Variants in DPP8 observed in about 807,000 individuals in gnomAD.
DPP8 encodes the protein dipeptidyl peptidase 8.
A neutral mutation model predicts 107.5 loss-of-function variants in DPP8; 31 were observed. That is an observed-to-expected ratio of 0.29 (90% confidence interval 0.22 to 0.39). The LOEUF (loss-of-function observed/expected upper bound fraction) is 0.39, where lower values mean the gene tolerates loss of function less well. Among genes scored for constraint, DPP8 ranks in the 10% least tolerant of loss-of-function variants. The pLI, the probability that DPP8 is intolerant of heterozygous loss-of-function variation, is 1.00. For missense variants in DPP8, 842 were observed against 1,076.1 expected, an observed-to-expected ratio of 0.78 and a Z score of 3.04; for synonymous variants, 381 against 356.6, an observed-to-expected ratio of 1.07 and a Z score of -0.77.
intron 1 of DPP8, chr15:65,516,511 G>A (rs2071457505): frequency 6.6e-6 from 1 of 152,074 alleles, no homozygotes; most frequent in African/African-American, 2.4e-5. Flanking sequence ...AGCCCAAGTA[G>A]GTGATGAAGG....
At chr15:65,500,273 C>G (rs764597204) in intron 4 of DPP8, among the ~76,000 whole-genome samples, 13 of 151,978 alleles carry the variant, frequency 8.6e-5, no homozygotes, top group Non-Finnish European at 1.6e-4. Context: ...ACAAAATTAG[C>G]CAGGGGTGGT....
At chr15:65,509,072 C>CT (rs918780271) in intron 2 of DPP8, among the ~76,000 whole-genome samples, 1 of 152,090 alleles carries the variant, frequency 6.6e-6, no homozygotes, top group Non-Finnish European at 1.5e-5. Flanking sequence ...ATAACCATAT[C>CT]TTTTTTTATC....
chr15:65,461,481 T>A (rs1405479802), intron 15 of DPP8, among the ~76,000 whole-genome samples: 1 of 152,214 alleles, frequency 6.6e-6, no homozygotes, highest in Non-Finnish European at 1.5e-5. Context: ...CAATCCTATA[T>A]ACTGTATCAT....
At chr15:65,484,219 G>A (rs558593344) in intron 8 of DPP8, among the ~76,000 whole-genome samples, 6 of 151,770 alleles carry the variant, frequency 4.0e-5, no homozygotes, top group South Asian at 2.1e-4. Flanking sequence ...CCAACTACTC[G>A]GGAGGCTGAG....
In DPP8 at chr15:65,443,244, T is replaced by C. The variant is rs1249712868; in HGVS notation, c.*3640A>G. ...TTTAACTACCATGAGGCAGGACACC[T>C]GGCTGGAGTCCAGCACCAACTGGAT... On this transcript the variant is annotated 3_prime_UTR_variant, in exon 20 of 20. Coordinates refer to ENST00000300141, the MANE Select transcript of DPP8 (RefSeq NM_130434.5). 6.6e-6 allele frequency: 1 copy of C among 152,210 alleles called. No individual in the cohort carries two copies. The highest frequency in any genetic ancestry group is 1.5e-5 in the Non-Finnish European group (1 of 68,040). 9.4% of individuals were successfully genotyped at this position (152,210 alleles called of 1,614,324 possible). A position where few individuals can be genotyped will look rare whatever the true frequency, so the allele number is the denominator to read the frequency against.
chr15:65,450,946 T>C, intron 19 of DPP8, 53 bp downstream of exon 19: 3 of 1,118,702 alleles, frequency 2.7e-6, no homozygotes, highest in Non-Finnish European at 1.3e-6. Context: ...GATTTCAAAG[T>C]AATCAATCAC....
intron 14 of DPP8, among the ~76,000 whole-genome samples, chr15:65,466,215 T>C (rs916982775): frequency 1.1e-4 from 17 of 152,288 alleles, no homozygotes; most frequent in Admixed American, 3.9e-4. Context: ...CTTAGTTCAT[T>C]GCAACCTCCG....
Position 65,442,510 on chromosome 15 carries a change from A to C in DPP8, c.*4374T>G, listed in dbSNP as rs2063333328. 6.6e-6 allele frequency: 1 copy of C among 152,248 alleles called. No homozygotes were observed. The highest frequency in any genetic ancestry group is 1.5e-5 in the Non-Finnish European group (1 of 68,054). The allele number at this position is 152,248 out of a possible 1,614,324, so 9.4% of individuals were successfully genotyped here. Reference sequence around the variant, plus strand: ...TTATTGCAACAAAGAACCTGTAATAAAATGCAAGAAAACTAATGTTTCACT... The same window carrying C: ...TTATTGCAACAAAGAACCTGTAATACAATGCAAGAAAACTAATGTTTCACT... On this transcript the variant is annotated 3_prime_UTR_variant, in exon 20 of 20. Transcript: ENST00000300141.
chr15:65,494,257 T>C (rs1203273614), intron 5 of DPP8, among the ~76,000 whole-genome samples: 2 of 148,944 alleles, frequency 1.3e-5, no homozygotes, highest in Non-Finnish European at 1.5e-5. Context: ...GTGGTGCAAA[T>C]ACAGTCACTC....
At chr15:65,508,518 C>T (rs3784448) in intron 2 of DPP8, among the ~76,000 whole-genome samples, 33,988 of 151,896 alleles carry the variant, frequency 0.22, 4,744 homozygotes, top group East Asian at 0.72. Flanking sequence ...AAGATATGAA[C>T]CAAAGAAAAC....
At chr15:65,498,470 T>C (rs965528012) in intron 4 of DPP8, among the ~76,000 whole-genome samples, 2 of 150,666 alleles carry the variant, frequency 1.3e-5, no homozygotes, top group Non-Finnish European at 2.9e-5. Context: ...CAGAAAAATA[T>C]ACTTTCTATT....
intron 17 of DPP8, among the ~76,000 whole-genome samples, chr15:65,453,153 A>G (rs1174700620): frequency 6.6e-6 from 1 of 152,186 alleles, no homozygotes; most frequent in Admixed American, 6.5e-5. Context: ...AAGCATTTAT[A>G]CATTTAATAA....
intron 15 of DPP8, among the ~76,000 whole-genome samples, chr15:65,459,312 G>A (rs1567151946): frequency 6.6e-6 from 1 of 152,036 alleles, no homozygotes; most frequent in Non-Finnish European, 1.5e-5. Context: ...AAGTAGCTGG[G>A]ACCAGAGGTG....
At chr15:65,468,666 C>CA (rs2065576793) in intron 12 of DPP8, among the ~76,000 whole-genome samples, 1 of 151,958 alleles carries the variant, frequency 6.6e-6, no homozygotes, top group African/African-American at 2.4e-5. Flanking sequence ...TAAGTAGGCC[C>CA]ACATGACACA....
chr15:65,484,655 C>CAAA (rs1161936925), intron 8 of DPP8, among the ~76,000 whole-genome samples: 3 of 98,320 alleles, frequency 3.1e-5, no homozygotes, highest in Non-Finnish European at 4.3e-5. Flanking sequence ...GCTCTTAACT[C>CAAA]AAAAAAAAAA....
chr15:65,513,914 T>G (rs1187068293), intron 1 of DPP8, among the ~76,000 whole-genome samples: 2 of 152,226 alleles, frequency 1.3e-5, no homozygotes, highest in Admixed American at 6.5e-5. Flanking sequence ...TTCTGGGCAA[T>G]CTACTCTTTT....
intron 1 of DPP8, among the ~76,000 whole-genome samples, chr15:65,513,374 G>A (rs989689771): frequency 4.6e-5 from 7 of 152,072 alleles, no homozygotes; most frequent in Non-Finnish European, 8.8e-5. Context: ...CACAACGCCC[G>A]GCTAATTTTT....
Position 65,446,998 on chromosome 15 carries a change from A to C in DPP8, c.2535T>G (p.Pro845=). The stretch of plus-strand genomic sequence containing the variant: ...GAACTCTTATGCTGTGTCTCTCCTG[A>C]GGATAGATCTTACCAACAACAAAAA... ...AGKPYDLQIY[P]QERHSIRVPE... The change falls in exon 20 of 20, where the codon CCT becomes CCG. Residue 845 remains proline (P), a synonymous_variant. Coordinates refer to ENST00000300141, the MANE Select transcript of DPP8 (RefSeq NM_130434.5). 1 of 1,576,300 alleles carries C rather than the reference A, an allele frequency of 6.3e-7. No individual in the cohort carries two copies. The highest frequency in any genetic ancestry group is 8.6e-7 in the Non-Finnish European group (1 of 1,166,536).
At chr15:65,452,475 G>A (rs2064059083) in intron 17 of DPP8, among the ~76,000 whole-genome samples, 1 of 151,738 alleles carries the variant, frequency 6.6e-6, no homozygotes. Flanking sequence ...GCCTCTGTTG[G>A]CAGTATAGAA....
Sources: allele counts gnomAD v4.1 joint callset (sites outside exome capture counted in the v4.1 genomes callset), GRCh38; gene constraint gnomAD v4.1.1; transcripts MANE v1.5; gene names NCBI Gene and HGNC (gene_info 2026-07-23, HGNC 2026-07-21).